The following RASAL2 variants were observed in gnomAD, a reference collection of about 807,000 sequenced individuals.
RASAL2 encodes the protein RAS protein activator like 2, also known as ras GTPase-activating protein nGAP.
RASAL2 carries 58 observed loss-of-function variants against 128.9 expected under a neutral mutation model. The observed-to-expected ratio is 0.45, with a 90% CI of 0.36 to 0.56. RASAL2 has a LOEUF of 0.56. RASAL2 is among the 20% of genes least tolerant of loss of function. The probability of loss-of-function intolerance (pLI) is 0.00; values close to 1 mark genes in which losing one functional copy is unlikely to be tolerated. For synonymous variants in RASAL2, 561 were observed against 580.8 expected (o/e 0.97, Z 0.49); for missense variants, 1,360 against 1,601.6 (o/e 0.85, Z 2.57).
chr1:178,347,371 G>A (rs1415264231), intron 3 of RASAL2, among the ~76,000 whole-genome samples: 1 of 152,044 alleles, frequency 6.6e-6, no homozygotes, highest in East Asian at 1.9e-4. Context: ...CTGTTTTAAG[G>A]CTCTTCAGAT....
In RASAL2 at chr1:178,293,846, T is replaced by C. The variant is rs200247100; in HGVS notation, c.331-6146T>C. Among the ~76,000 whole-genome samples, 24 of 152,352 alleles carry C rather than the reference T, an allele frequency of 1.6e-4. No homozygotes were observed. The East Asian group carries it at 3.1e-3, about 20-fold the overall frequency. The stretch of plus-strand genomic sequence containing the variant: ...AAAGATGTGTTACCGGAGAACTAAA[T>C]GGAAGTGTACCTTGACCTTCCCTTA... On this transcript the variant is annotated intron_variant, in intron 2 of 17. Transcript: ENST00000367649.
At chr1:178,372,571 G>A (rs1671777481) in intron 3 of RASAL2, among the ~76,000 whole-genome samples, 1 of 152,108 alleles carries the variant, frequency 6.6e-6, no homozygotes, top group Non-Finnish European at 1.5e-5. Context: ...TCCATTCAAG[G>A]CTTACCATGT....
chr1:178,472,434 T>C (rs73037570), intron 17 of RASAL2, among the ~76,000 whole-genome samples: 2,901 of 152,342 alleles, frequency 0.019, 81 homozygotes, highest in African/African-American at 0.063. Flanking sequence ...TCATGTGTTA[T>C]GTTGATGGCA....
chr1:178,452,798 A>G, intron 11 of RASAL2, 146 bp downstream of exon 11: 4 of 655,286 alleles, frequency 6.1e-6, no homozygotes, highest in Non-Finnish European at 1.0e-5. Flanking sequence ...AATGGAAACA[A>G]CTTAATCACT....
At chr1:178,426,664 G>A (rs888791191) in intron 5 of RASAL2, among the ~76,000 whole-genome samples, 1 of 152,018 alleles carries the variant, frequency 6.6e-6, no homozygotes, top group Non-Finnish European at 1.5e-5. Context: ...AAGGAATGTT[G>A]GGGGTGGGGG....
chr1:178,295,911 G>A (rs968417671), intron 2 of RASAL2, among the ~76,000 whole-genome samples: 7 of 152,144 alleles, frequency 4.6e-5, no homozygotes, highest in African/African-American at 7.2e-5. Flanking sequence ...TCTGATGCTA[G>A]TTAGCGTAAT....
At chr1:178,146,684 G>C (rs1053518431) in intron 1 of RASAL2, among the ~76,000 whole-genome samples, 1 of 152,178 alleles carries the variant, frequency 6.6e-6, no homozygotes, top group Non-Finnish European at 1.5e-5. Context: ...TTTGGCATTT[G>C]AATAATGAAT....
At chr1:178,359,820 C>T (rs561650452) in intron 3 of RASAL2, among the ~76,000 whole-genome samples, 27 of 152,204 alleles carry the variant, frequency 1.8e-4, no homozygotes, top group Admixed American at 1.1e-3. Flanking sequence ...TGTCTTACAG[C>T]GGCCTCTGTT....
rs560352427 is a variant in RASAL2, at chr1:178,235,768, A to G, written c.203-47796A>G. On this transcript the variant is annotated intron_variant, in intron 1 of 17. Coordinates refer to ENST00000367649, the MANE Select transcript of RASAL2 (RefSeq NM_170692.4). ...GTAACTTCTTTCTGGCCTAGTGTCTACATCAGTGGTTTTCTAACCTTTTGC... is the reference window on the plus strand; with the variant it reads ...GTAACTTCTTTCTGGCCTAGTGTCTGCATCAGTGGTTTTCTAACCTTTTGC... Among the ~76,000 whole-genome samples the G allele has an allele frequency of 4.6e-5, 7 of 152,296 alleles. No homozygotes were observed. In the East Asian group the frequency reaches 5.8e-4, roughly 13 times the overall value.
chr1:178,278,888 A>G (rs1370646232), intron 1 of RASAL2, among the ~76,000 whole-genome samples: 3 of 149,266 alleles, frequency 2.0e-5, no homozygotes, highest in Non-Finnish European at 4.4e-5. Flanking sequence ...CAAGTAATAT[A>G]TCATGCTATG....
At chr1:178,143,408 G>GT (rs1453059424) in intron 1 of RASAL2, among the ~76,000 whole-genome samples, 1 of 151,796 alleles carries the variant, frequency 6.6e-6, no homozygotes, top group Admixed American at 6.6e-5. Flanking sequence ...TAAAAAGGGT[G>GT]TTTTTTATTC....
intron 1 of RASAL2, among the ~76,000 whole-genome samples, chr1:178,184,172 T>C (rs1361953844): frequency 5.3e-5 from 8 of 152,200 alleles, no homozygotes; most frequent in Non-Finnish European, 7.4e-5. Context: ...TGGTGAACTT[T>C]ATAGAGTCTT....
chr1:178,324,858 C>G (rs1054359922), intron 3 of RASAL2, among the ~76,000 whole-genome samples: 4 of 152,154 alleles, frequency 2.6e-5, no homozygotes, highest in African/African-American at 9.6e-5. Context: ...ATGTGCGAAA[C>G]AGACTCTAAC....
chr1:178,250,669 A>G (rs1194853137), intron 1 of RASAL2, among the ~76,000 whole-genome samples: 1 of 152,194 alleles, frequency 6.6e-6, no homozygotes, highest in Non-Finnish European at 1.5e-5. Context: ...TGGGAGCTGC[A>G]TACCAGAGCT....
intron 3 of RASAL2, among the ~76,000 whole-genome samples, chr1:178,373,274 C>CTTTTTTATTTTTTTT (rs1671814489): frequency 1.7e-5 from 1 of 60,074 alleles, no homozygotes; most frequent in Non-Finnish European, 3.0e-5. Flanking sequence ...TGTTTCTTTC[C>CTTTTTTATTTTTTTT]TTTTTTTTTT....
chr1:178,236,716 T>G (rs1050940880), intron 1 of RASAL2, among the ~76,000 whole-genome samples: 5 of 151,916 alleles, frequency 3.3e-5, no homozygotes, highest in Non-Finnish European at 7.4e-5. Context: ...CTTTTACTTA[T>G]GAGCAAAACT....
intron 1 of RASAL2, among the ~76,000 whole-genome samples, chr1:178,155,321 G>T (rs1256043594): frequency 2.6e-5 from 4 of 151,464 alleles, no homozygotes; most frequent in East Asian, 3.9e-4. Flanking sequence ...CATGCTCTTT[G>T]TCTTCTAATA....
chr1:178,292,035 CAAAAAAAAAAAA>C (rs34317624), intron 2 of RASAL2, among the ~76,000 whole-genome samples: 2 of 59,108 alleles, frequency 3.4e-5, no homozygotes, highest in East Asian at 5.6e-4. Flanking sequence ...GACTTTGTCT[CAAAAAAAAAAAA>C]AAAAAAAAAA....
chr1:178,335,370 T>C (rs1216879786), intron 3 of RASAL2, among the ~76,000 whole-genome samples: 1 of 152,172 alleles, frequency 6.6e-6, no homozygotes, highest in African/African-American at 2.4e-5. Context: ...CTATTTAATA[T>C]TAAATATGTT....
Sources: allele counts gnomAD v4.1 joint callset (sites outside exome capture counted in the v4.1 genomes callset), GRCh38; gene constraint gnomAD v4.1.1; transcripts MANE v1.5; gene names NCBI Gene and HGNC (gene_info 2026-07-23, HGNC 2026-07-21).